The following WRN variants were observed in gnomAD, a reference collection of about 807,000 sequenced individuals.
WRN encodes bifunctional 3'-5' exonuclease/ATP-dependent helicase WRN.
WRN carries 149 observed loss-of-function variants against 180.7 expected under a neutral mutation model. The observed-to-expected ratio is 0.82, with a 90% CI of 0.72 to 0.94. The LOEUF is 0.94. WRN is among the 40% of genes least tolerant of loss of function. The probability of loss-of-function intolerance (pLI) is 0.00; values close to 1 mark genes in which losing one functional copy is unlikely to be tolerated. For missense variants in WRN, 1,661 were observed against 1,700.1 expected, an observed-to-expected ratio of 0.98 and a Z score of 0.40; for synonymous variants, 548 against 568.9, an observed-to-expected ratio of 0.96 and a Z score of 0.52.
At chr8:31,040,356 A>T (rs578084685) in intron 1 of WRN, among the ~76,000 whole-genome samples, 1 of 152,316 alleles carries the variant, frequency 6.6e-6, no homozygotes, top group African/African-American at 2.4e-5. Context: ...TATAACAGCT[A>T]ATTTAAAAGC....
chr8:31,052,594 C>T (rs1483121034), intron 1 of WRN, among the ~76,000 whole-genome samples: 3 of 152,074 alleles, frequency 2.0e-5, no homozygotes, highest in Non-Finnish European at 4.4e-5. Flanking sequence ...CGCCATATGC[C>T]CAGGCTGGTC....
In WRN at chr8:31,083,596, G is replaced by A. The variant is rs978323798; in HGVS notation, c.1270-103G>A. 4.9e-6 allele frequency: 4 copies of A among 818,226 alleles called. No individual in the cohort carries two copies. The African/African-American group carries it at 6.7e-5, about 14-fold the overall frequency. The allele number at this position is 818,226 out of a possible 1,614,324, so 50.7% of individuals were successfully genotyped here. On this transcript the variant is annotated intron_variant, in intron 9 of 34. Transcript: ENST00000298139. ...TATATTATATATCCATTAGGGAAGAGGAAGTTGTCTAAAGATATCTAGTAT... is the reference window on the plus strand; with the variant it reads ...TATATTATATATCCATTAGGGAAGAAGAAGTTGTCTAAAGATATCTAGTAT...
At chr8:31,161,089 T>C (rs1287430540) in intron 33 of WRN, among the ~76,000 whole-genome samples, 4 of 151,774 alleles carry the variant, frequency 2.6e-5, no homozygotes, top group Admixed American at 6.6e-5. Flanking sequence ...TCCTGAAACT[T>C]ACAGGTGGTG....
At chr8:31,048,347 A>G (rs886863900) in intron 1 of WRN, among the ~76,000 whole-genome samples, 1 of 152,208 alleles carries the variant, frequency 6.6e-6, no homozygotes, top group Non-Finnish European at 1.5e-5. Context: ...TTTGGCATGC[A>G]TTCTTTGGTT....
intron 3 of WRN, among the ~76,000 whole-genome samples, chr8:31,059,900 C>T (rs1386063911): frequency 6.6e-6 from 1 of 151,712 alleles, no homozygotes; most frequent in East Asian, 1.9e-4. Flanking sequence ...ACTAAAAATA[C>T]AAAAAATTAG....
At position 31,175,627 on chromosome 8, in the gene WRN, A is replaced by G. The variant is rs1375297260; in HGVS notation, c.*2525A>G. 6.6e-6 allele frequency among the ~76,000 whole-genome samples: 1 copy of G among 152,226 alleles called. No individual in the cohort carries two copies. Among genetic ancestry groups the G allele is most frequent in the South Asian group, 2.1e-4 (1 of 4,836 alleles). On this transcript the variant is annotated 3_prime_UTR_variant, in exon 35 of 35. Transcript: ENST00000298139. The stretch of plus-strand genomic sequence containing the variant: ...GGTAAAATTTCAGAGAACAATGTCC[A>G]CCATTATCTGAACAGGCTATTAAAA...
chr8:31,062,593 T>A (rs1483794735), intron 3 of WRN, among the ~76,000 whole-genome samples: 2 of 151,754 alleles, frequency 1.3e-5, no homozygotes, highest in African/African-American at 4.8e-5. Context: ...TATATTTTTT[T>A]ATAGAGATGG....
At chr8:31,072,666 T>C (rs928262454) in intron 7 of WRN, among the ~76,000 whole-genome samples, 3 of 152,226 alleles carry the variant, frequency 2.0e-5, no homozygotes, top group African/African-American at 7.2e-5. Context: ...TTAGTTGTTT[T>C]AGAAATAACG....
At chr8:31,090,977 CT>C (rs776613782) in intron 15 of WRN, 35 bp downstream of exon 15, 19 of 1,499,520 alleles carry the variant, frequency 1.3e-5, no homozygotes, top group Non-Finnish European at 2.8e-6. Context: ...ATATCACCCT[CT>C]TTTTTTCTTC....
At chr8:31,132,219 G>C in intron 23 of WRN, 146 bp from the exon 24 acceptor site, 1 of 900,226 alleles carries the variant, frequency 1.1e-6, no homozygotes, top group South Asian at 1.8e-5. Flanking sequence ...TACATACTCG[G>C]GTATAATGAA....
Position 31,173,053 on chromosome 8 carries a change from C to T in WRN, c.4250C>T (p.Thr1417Ile). 1.9e-6 allele frequency: 3 copies of T among 1,613,874 alleles called. No homozygotes were observed. The highest frequency in any genetic ancestry group is 2.5e-6 in the Non-Finnish European group (3 of 1,179,956). ...LPVWFAKGSD[T>I]SKKLMDKTKR... Reference sequence around the variant, plus strand: ...GTGTGGTTTGCCAAAGGAAGTGATACCAGCAAGAAATTAATGGACAAAACG... The same window carrying T: ...GTGTGGTTTGCCAAAGGAAGTGATATCAGCAAGAAATTAATGGACAAAACG... Residue 1417 changes from threonine (T) to isoleucine (I), a missense_variant, in exon 35 of 35, where the codon ACC (threonine) becomes ATC (isoleucine). Physicochemically the swap from Thr to Ile is moderately conservative, Grantham distance 89. Coordinates refer to ENST00000298139, the MANE Select transcript of WRN (RefSeq NM_000553.6).
intron 1 of WRN, among the ~76,000 whole-genome samples, chr8:31,055,719 G>T (rs370899649): frequency 6.6e-6 from 1 of 151,918 alleles, no homozygotes; most frequent in African/African-American, 2.4e-5. Context: ...TAGGTTGTCT[G>T]TTCACTCTGA....
rs977304500 is a variant in WRN, at chr8:31,175,455, G to A, written c.*2353G>A. Among the ~76,000 whole-genome samples, 2 of 152,120 alleles carry A rather than the reference G, an allele frequency of 1.3e-5. No homozygotes were observed. The highest frequency in any genetic ancestry group is 1.3e-4 in the Admixed American group (2 of 15,268). On this transcript the variant is annotated 3_prime_UTR_variant, in exon 35 of 35. Coordinates refer to ENST00000298139, the MANE Select transcript of WRN (RefSeq NM_000553.6). ...TCTCAAAAATAAAAAAAGAAATCAT[G>A]ACTGGGTAAAAGATCTGTTCAGAGT...
At chr8:31,140,058 C>T (rs1431739443) in intron 24 of WRN, among the ~76,000 whole-genome samples, 1 of 106,838 alleles carries the variant, frequency 9.4e-6, no homozygotes, top group East Asian at 3.2e-4. Context: ...CTCTGTTGCT[C>T]AGTCTGTAGT....
At chr8:31,122,168 T>C (rs1171752287) in intron 21 of WRN, among the ~76,000 whole-genome samples, 1 of 152,004 alleles carries the variant, frequency 6.6e-6, no homozygotes, top group East Asian at 1.9e-4. Context: ...CAGAAACCCA[T>C]ACTTGAATTT....
Position 31,067,032 on chromosome 8 carries a change from G to C in WRN, c.505-1G>C. The stretch of plus-strand genomic sequence containing the variant: ...CTGTGTTGCTTTTTCATCATTTCTA[G>C]CTGAAATGCACAGAGACCTGGAGCC... On this transcript the variant is annotated splice_acceptor_variant, in intron 5 of 34. Coordinates refer to ENST00000298139, the MANE Select transcript of WRN (RefSeq NM_000553.6). LOFTEE classifies it high-confidence loss of function. 3 of 1,613,594 alleles carry C rather than the reference G, an allele frequency of 1.9e-6. No homozygotes were observed.
rs377215256 is a variant in WRN at position 31,076,172 on chromosome 8, G to A, written c.725-1G>A. 3 of 1,611,632 alleles carry A rather than the reference G, an allele frequency of 1.9e-6. No individual in the cohort carries two copies. Among genetic ancestry groups the A allele is most frequent in the Non-Finnish European group, 2.5e-6 (3 of 1,178,032 alleles). ...TTAATATTGATTTTTTTTCCCCCTA[G>A]AGGAAGAAATCCTACTTAGCGACAT... On this transcript the variant is annotated splice_acceptor_variant, in intron 7 of 34. Coordinates refer to ENST00000298139, the MANE Select transcript of WRN (RefSeq NM_000553.6). LOFTEE classifies it high-confidence loss of function.
intron 33 of WRN, among the ~76,000 whole-genome samples, chr8:31,159,933 AGACTCT>A: frequency 7.7e-6 from 1 of 129,682 alleles, no homozygotes; most frequent in Non-Finnish European, 1.6e-5. Context: ...TGACAGAGTG[AGACTCT>A]GTCTCAAAAA....
intron 34 of WRN, among the ~76,000 whole-genome samples, chr8:31,170,308 A>AT (rs201494570): frequency 0.059 from 8,942 of 151,452 alleles, 301 homozygotes; most frequent in Non-Finnish European, 0.068. Flanking sequence ...CTCCTATGTC[A>AT]TTTTTTTCTT....
Sources: gnomAD v4.1 joint callset for allele counts (sites outside exome capture counted in the v4.1 genomes callset) on GRCh38, gnomAD v4.1.1 for gene constraint, MANE v1.5 for transcripts, NCBI Gene and HGNC (gene_info 2026-07-23, HGNC 2026-07-21) for gene names.